The following HACD2 variants were observed in gnomAD, a reference collection of about 807,000 sequenced individuals.
The protein encoded by HACD2 is very-long-chain (3R)-3-hydroxyacyl-CoA dehydratase 2.
HACD2 carries 15 observed loss-of-function variants against 31.0 expected under a neutral mutation model. The observed-to-expected ratio is 0.48, with a 90% CI of 0.32 to 0.75. The LOEUF (loss-of-function observed/expected upper bound fraction) is 0.75, where lower values mean the gene tolerates loss of function less well. HACD2 is among the 30% of genes least tolerant of loss of function. The pLI is 0.03. For missense variants in HACD2, 283 were observed against 313.0 expected (o/e 0.90, Z 0.72); for synonymous variants, 115 against 122.2 (o/e 0.94, Z 0.39).
intron 2 of HACD2, among the ~76,000 whole-genome samples, chr3:123,577,754 C>G (rs1485430906): frequency 1.3e-5 from 2 of 152,066 alleles, no homozygotes; most frequent in Non-Finnish European, 2.9e-5. Flanking sequence ...AATTTTTAAT[C>G]TAACTATACT....
chr3:123,541,128 G>A (rs776890999), intron 3 of HACD2, among the ~76,000 whole-genome samples: 13 of 152,140 alleles, frequency 8.5e-5, no homozygotes, highest in Admixed American at 2.6e-4. Context: ...AAAATTAGCC[G>A]GGTGTGGTGG....
chr3:123,572,962 T>C (rs1184048714), intron 2 of HACD2, among the ~76,000 whole-genome samples: 2 of 152,050 alleles, frequency 1.3e-5, no homozygotes, highest in East Asian at 3.9e-4. Flanking sequence ...CAGCCAGCTA[T>C]GGCCTAAGAT....
At chr3:123,510,340 C>T (rs540078696) in intron 4 of HACD2, among the ~76,000 whole-genome samples, 36 of 152,290 alleles carry the variant, frequency 2.4e-4, no homozygotes, top group African/African-American at 3.1e-4. Flanking sequence ...CTCCACCTCC[C>T]GGGTTCAAGT....
chr3:123,515,073 C>T (rs1377793121), intron 4 of HACD2, among the ~76,000 whole-genome samples: 1 of 152,180 alleles, frequency 6.6e-6, no homozygotes, highest in Non-Finnish European at 1.5e-5. Context: ...ACTTACTAAG[C>T]ACCAGGCAGT....
chr3:123,532,669 C>A (rs1368632064), intron 3 of HACD2, among the ~76,000 whole-genome samples: 1 of 151,906 alleles, frequency 6.6e-6, no homozygotes, highest in Non-Finnish European at 1.5e-5. Flanking sequence ...GAAACCCCGT[C>A]TCTACTAAAT....
Position 123,561,776 on chromosome 3 carries a change from C to T in HACD2, c.292+5986G>A, listed in dbSNP as rs149790643. 3.8e-3 allele frequency among the ~76,000 whole-genome samples: 563 copies of T among 149,240 alleles called. 4 individuals carry two copies. Among genetic ancestry groups the T allele is most frequent in the Middle Eastern group, 0.014 (4 of 282 alleles). On this transcript the variant is annotated intron_variant, in intron 3 of 6. Coordinates refer to ENST00000383657, the MANE Select transcript of HACD2 (RefSeq NM_198402.5). ...ACCACAACTCTTCTTTGCAGTATTA[C>T]GGAAAAAAAAAAAAACATATCTCAG...
rs58907830 is a variant in HACD2, at chr3:123,536,756, A to G, written c.293-8282T>C. On this transcript the variant is annotated intron_variant, in intron 3 of 6. Transcript: ENST00000383657. ...ACTCAGCCTGAGTTTAGACTTCTCCATAGCAACATCCAAAGTAAGAAGGCA... is the reference window on the plus strand; with the variant it reads ...ACTCAGCCTGAGTTTAGACTTCTCCGTAGCAACATCCAAAGTAAGAAGGCA... Among the ~76,000 whole-genome samples, 3,608 of 152,340 alleles carry G rather than the reference A, an allele frequency of 0.024. 229 individuals carry two copies. In the East Asian group the frequency reaches 0.25, roughly 11 times the overall value.
At chr3:123,573,272 T>C (rs991039057) in intron 2 of HACD2, among the ~76,000 whole-genome samples, 1 of 152,232 alleles carries the variant, frequency 6.6e-6, no homozygotes. Flanking sequence ...ATGACTGCTA[T>C]GCATTTTCTT....
At chr3:123,496,484 A>G (rs1417053931) in intron 6 of HACD2, among the ~76,000 whole-genome samples, 1 of 152,204 alleles carries the variant, frequency 6.6e-6, no homozygotes, top group East Asian at 1.9e-4. Context: ...CGTGTGTGAC[A>G]AAGATCTGCT....
intron 6 of HACD2, among the ~76,000 whole-genome samples, chr3:123,498,241 A>G (rs937232337): frequency 6.6e-6 from 1 of 152,194 alleles, no homozygotes; most frequent in African/African-American, 2.4e-5. Flanking sequence ...TTTGAGATCC[A>G]CCCTTTTCTC....
intron 3 of HACD2, among the ~76,000 whole-genome samples, chr3:123,548,622 C>A (rs181666255): frequency 1.3e-5 from 2 of 152,148 alleles, no homozygotes; most frequent in East Asian, 1.9e-4. Flanking sequence ...TTTATCAGAG[C>A]CAGTTTTTTT....
chr3:123,513,019 T>C (rs1559904087), intron 4 of HACD2, among the ~76,000 whole-genome samples: 1 of 152,132 alleles, frequency 6.6e-6, no homozygotes, highest in African/African-American at 2.4e-5. Context: ...GGGCTGGGGC[T>C]GGGGAAGTAC....
At chr3:123,583,305 T>C (rs2056985638) in intron 1 of HACD2, among the ~76,000 whole-genome samples, 1 of 152,216 alleles carries the variant, frequency 6.6e-6, no homozygotes, top group African/African-American at 2.4e-5. Context: ...TGCTCAGGAA[T>C]AGACTTCTTT....
intron 6 of HACD2, among the ~76,000 whole-genome samples, chr3:123,495,374 A>C (rs755446020): frequency 6.6e-6 from 1 of 152,230 alleles, no homozygotes; most frequent in Non-Finnish European, 1.5e-5. Context: ...TTTGAGCCCC[A>C]GAGAGGGTAA....
At chr3:123,583,056 A>G (rs967265350) in intron 1 of HACD2, among the ~76,000 whole-genome samples, 2 of 152,216 alleles carry the variant, frequency 1.3e-5, no homozygotes, top group African/African-American at 4.8e-5. Flanking sequence ...TCCTGGAAGG[A>G]TTTAGATAAA....
chr3:123,584,671 C>A (rs949582659), intron 1 of HACD2: 3 of 405,646 alleles, frequency 7.4e-6, no homozygotes, highest in Non-Finnish European at 1.3e-5. Context: ...CGACCCCCAG[C>A]GCAGGAGGGA....
At chr3:123,571,194 ACCTT>A (rs2056852375) in intron 2 of HACD2, among the ~76,000 whole-genome samples, 1 of 152,202 alleles carries the variant, frequency 6.6e-6, no homozygotes, top group Non-Finnish European at 1.5e-5. Flanking sequence ...TTGAGACAAT[ACCTT>A]CATTTCACTT....
chr3:123,547,494 G>T (rs1426029723), intron 3 of HACD2, among the ~76,000 whole-genome samples: 1 of 152,166 alleles, frequency 6.6e-6, no homozygotes, highest in Admixed American at 6.5e-5. Flanking sequence ...CCCAGAGCAG[G>T]TTCCTGTCAA....
intron 3 of HACD2, among the ~76,000 whole-genome samples, chr3:123,551,871 C>G (rs2107732188): frequency 6.6e-6 from 1 of 152,238 alleles, no homozygotes; most frequent in South Asian, 2.1e-4. Context: ...ATCTATATAG[C>G]TGAATATTAG....
Sources: allele counts gnomAD v4.1 joint callset (sites outside exome capture counted in the v4.1 genomes callset), GRCh38; gene constraint gnomAD v4.1.1; transcripts MANE v1.5; gene names NCBI Gene and HGNC (gene_info 2026-07-23, HGNC 2026-07-21).